ARMH3: variants seen among roughly 807,000 people sequenced by gnomAD.
ARMH3 encodes the protein armadillo-like helical domain-containing protein 3.
A neutral mutation model predicts 99.1 loss-of-function variants in ARMH3; 60 were observed. The observed-to-expected ratio is 0.61, with a 90% CI of 0.49 to 0.75. The LOEUF (loss-of-function observed/expected upper bound fraction) is 0.75, where lower values mean the gene tolerates loss of function less well. ARMH3 is among the 30% of genes least tolerant of loss of function. ARMH3 has a pLI of 0.00. For missense variants in ARMH3, 679 were observed against 843.1 expected (o/e 0.81, Z 2.41); for synonymous variants, 285 against 292.8 (o/e 0.97, Z 0.27).
intron 19 of ARMH3, among the ~76,000 whole-genome samples, chr10:101,985,401 T>C (rs957040646): frequency 2.0e-5 from 3 of 151,622 alleles, no homozygotes; most frequent in African/African-American, 7.3e-5. Flanking sequence ...TACATACATG[T>C]GTATATGTGT....
At chr10:102,041,953 T>A (rs1029282616) in intron 1 of ARMH3, among the ~76,000 whole-genome samples, 4 of 152,186 alleles carry the variant, frequency 2.6e-5, no homozygotes, top group Non-Finnish European at 5.9e-5. Context: ...CAGCCTGACC[T>A]AAAATTTTAC....
At chr10:102,037,418 A>G (rs1001705090) in intron 2 of ARMH3, among the ~76,000 whole-genome samples, 13 of 152,050 alleles carry the variant, frequency 8.5e-5, no homozygotes, top group Non-Finnish European at 1.6e-4. Flanking sequence ...ATCTGACCTC[A>G]TGTGATCTGC....
intron 19 of ARMH3, among the ~76,000 whole-genome samples, chr10:101,983,022 G>A (rs1426187575): frequency 6.6e-6 from 1 of 152,052 alleles, no homozygotes; most frequent in Non-Finnish European, 1.5e-5. Context: ...GGGGACCACT[G>A]TTCTAAAATA....
chr10:102,038,158 G>A (rs1017233597), intron 2 of ARMH3, among the ~76,000 whole-genome samples: 9 of 144,384 alleles, frequency 6.2e-5, no homozygotes, highest in Admixed American at 2.1e-4. Context: ...GCAGTGGCGC[G>A]ATCTCAGCTC....
chr10:101,988,619 T>C (rs1012955117), intron 19 of ARMH3, among the ~76,000 whole-genome samples: 1 of 152,138 alleles, frequency 6.6e-6, no homozygotes, highest in African/African-American at 2.4e-5. Context: ...ATATAGTTTA[T>C]AAGCAATCTA....
intron 23 of ARMH3, among the ~76,000 whole-genome samples, chr10:101,891,673 T>C (rs561910909): frequency 6.6e-6 from 1 of 152,324 alleles, no homozygotes; most frequent in East Asian, 1.9e-4. Context: ...TTAATAATAA[T>C]GCCAGTTACT....
At chr10:101,881,229 T>C (rs1193612479) in intron 24 of ARMH3, among the ~76,000 whole-genome samples, 2 of 152,216 alleles carry the variant, frequency 1.3e-5, no homozygotes, top group Non-Finnish European at 2.9e-5. Flanking sequence ...TACACCATCC[T>C]ATGGCCCTGT....
At chr10:101,866,138 T>G (rs2066996863) in intron 24 of ARMH3, among the ~76,000 whole-genome samples, 1 of 151,770 alleles carries the variant, frequency 6.6e-6, no homozygotes, top group African/African-American at 2.4e-5. Context: ...GGAGAATCAC[T>G]TGAACCCAGG....
intron 23 of ARMH3, among the ~76,000 whole-genome samples, chr10:101,934,054 T>C (rs1370768783): frequency 6.6e-6 from 1 of 152,220 alleles, no homozygotes; most frequent in Non-Finnish European, 1.5e-5. Flanking sequence ...TAACCCTAAC[T>C]TTGCTATCGA....
At chr10:101,987,343 T>G (rs1846557920) in intron 19 of ARMH3, among the ~76,000 whole-genome samples, 1 of 152,202 alleles carries the variant, frequency 6.6e-6, no homozygotes, top group South Asian at 2.1e-4. Flanking sequence ...AGAAAATCCC[T>G]AGTGTTTCTT....
chr10:101,963,690 C>T (rs539831060), intron 20 of ARMH3, among the ~76,000 whole-genome samples: 1 of 152,108 alleles, frequency 6.6e-6, no homozygotes, highest in African/African-American at 2.4e-5. Flanking sequence ...ACCTCTGTCT[C>T]TTGGGTTCAA....
chr10:101,909,627 G>A (rs1300368264), intron 23 of ARMH3, among the ~76,000 whole-genome samples: 1 of 151,716 alleles, frequency 6.6e-6, no homozygotes, highest in Non-Finnish European at 1.5e-5. Context: ...GTGCCACCAG[G>A]CCCAGCTAAT....
At chr10:101,959,692 G>A (rs988294139) in intron 20 of ARMH3, among the ~76,000 whole-genome samples, 1 of 152,226 alleles carries the variant, frequency 6.6e-6, no homozygotes, top group African/African-American at 2.4e-5. Flanking sequence ...AGGAGGAAGA[G>A]AGCAACTCTG....
chr10:101,994,936 C>A (rs1000193628), intron 16 of ARMH3, among the ~76,000 whole-genome samples: 7 of 152,194 alleles, frequency 4.6e-5, no homozygotes, highest in Middle Eastern at 6.8e-3. Context: ...CTAGAGGGGC[C>A]GAGGCACGAG....
At chr10:101,873,299 C>T (rs1379026629) in intron 24 of ARMH3, among the ~76,000 whole-genome samples, 2 of 151,474 alleles carry the variant, frequency 1.3e-5, no homozygotes, top group African/African-American at 2.4e-5. Context: ...GTAATCCCAA[C>T]TGCTCAGGAG....
At chr10:101,943,953 A>G (rs917040805) in intron 22 of ARMH3, among the ~76,000 whole-genome samples, 1 of 150,738 alleles carries the variant, frequency 6.6e-6, no homozygotes, top group African/African-American at 2.4e-5. Context: ...AGTCCCAGCT[A>G]CTCGGGAGGC....
chr10:101,926,371 TG>T (rs1843507802), intron 23 of ARMH3, among the ~76,000 whole-genome samples: 2 of 152,008 alleles, frequency 1.3e-5, no homozygotes, highest in Admixed American at 1.3e-4. Flanking sequence ...TTTTATTTTT[TG>T]TATGTTGTCC....
chr10:102,044,601 C>G (rs2067501414), intron 1 of ARMH3, among the ~76,000 whole-genome samples: 1 of 151,724 alleles, frequency 6.6e-6, no homozygotes, highest in Admixed American at 6.6e-5. Context: ...CAAACTCAAG[C>G]AATCCACCTG....
At chr10:102,007,166 A>AAAAAAAAAAAG (rs2066515429) in intron 13 of ARMH3, among the ~76,000 whole-genome samples, 2 of 149,050 alleles carry the variant, frequency 1.3e-5, no homozygotes, top group Non-Finnish European at 1.5e-5. Flanking sequence ...TCTCAAAAAA[A>AAAAAAAAAAAG]AAAAAAAAAA....
Sources: gnomAD v4.1 joint callset for allele counts (sites outside exome capture counted in the v4.1 genomes callset) on GRCh38, gnomAD v4.1.1 for gene constraint, MANE v1.5 for transcripts, NCBI Gene and HGNC (gene_info 2026-07-23, HGNC 2026-07-21) for gene names.